The following PLPPR4 variants were observed in gnomAD, a reference collection of about 807,000 sequenced individuals.
PLPPR4 encodes the protein phospholipid phosphatase related 4, also known as phospholipid phosphatase-related protein type 4.
PLPPR4 carries 24 observed loss-of-function variants against 56.6 expected under a neutral mutation model. That is an observed-to-expected ratio of 0.42 (90% CI 0.31 to 0.60). The LOEUF (loss-of-function observed/expected upper bound fraction) is 0.60. Ranked by LOEUF, PLPPR4 falls within the 20% of genes least tolerant of loss-of-function variation. PLPPR4 has a pLI of 0.13. For missense variants in PLPPR4, 654 were observed against 885.8 expected (o/e 0.74, Z 3.32); for synonymous variants, 326 against 328.1 (o/e 0.99, Z 0.07).
chr1:99,264,276 AG>A, upstream of PLPPR4: 1 of 594,176 alleles, frequency 1.7e-6, no homozygotes, highest in Non-Finnish European at 2.9e-6. Flanking sequence ...GAGCTGAGGG[AG>A]GGTGACAGGG....
chr1:99,295,414 A>G (rs922070424), intron 2 of PLPPR4, among the ~76,000 whole-genome samples: 2 of 152,208 alleles, frequency 1.3e-5, no homozygotes, highest in African/African-American at 4.8e-5. Context: ...ATAAATGTTA[A>G]GCTAGTAATG....
chr1:99,302,408 T>C (rs1197067435), intron 6 of PLPPR4, among the ~76,000 whole-genome samples: 1 of 152,156 alleles, frequency 6.6e-6, no homozygotes, highest in Non-Finnish European at 1.5e-5. Flanking sequence ...CATTTTGTCA[T>C]GCATGCATGC....
At chr1:99,271,748 C>T (rs1659063722) in intron 1 of PLPPR4, among the ~76,000 whole-genome samples, 1 of 152,046 alleles carries the variant, frequency 6.6e-6, no homozygotes, top group South Asian at 2.1e-4. Flanking sequence ...AGAGGGAAGA[C>T]TTGGAACTTA....
At chr1:99,265,849 T>C (rs1658880159) in intron 1 of PLPPR4, among the ~76,000 whole-genome samples, 1 of 152,160 alleles carries the variant, frequency 6.6e-6, no homozygotes, top group South Asian at 2.1e-4. Context: ...AACAATATAT[T>C]TGGAAGTTTT....
intron 4 of PLPPR4, among the ~76,000 whole-genome samples, chr1:99,300,239 C>A (rs909546365): frequency 3.3e-5 from 5 of 151,814 alleles, no homozygotes; most frequent in African/African-American, 1.2e-4. Flanking sequence ...TTTTTTAATT[C>A]ATTGAAACAA....
rs1660019636 is a variant in PLPPR4, at chr1:99,306,048, T to C, written c.1186T>C (p.Ser396Pro). 1.9e-6 allele frequency: 3 copies of C among 1,613,982 alleles called. No homozygotes were observed. The highest frequency in any genetic ancestry group is 1.7e-6 in the Non-Finnish European group (2 of 1,180,018). Residue 396 changes from serine to proline, a missense_variant, in exon 7 of 7, where the codon TCA (serine) becomes CCA (proline). Transcript: ENST00000370185. The surrounding 1 kb of genome is among the most constrained non-coding windows in gnomAD (Gnocchi z 4.0). ...TCATGCCTCTATGGATTCCGCTCGA[T>C]CAAAGCAGCTCCTCACCCAGTGGAA... ...SIHASMDSARSKQLLTQWKNK... is the reference protein window; with the variant it reads ...SIHASMDSARPKQLLTQWKNK...
At chr1:99,289,440 TAG>T (rs1192149497) in intron 2 of PLPPR4, among the ~76,000 whole-genome samples, 1 of 152,092 alleles carries the variant, frequency 6.6e-6, no homozygotes, top group East Asian at 1.9e-4. Flanking sequence ...TTAATTTTCA[TAG>T]AACTTTATCA....
chr1:99,279,214 A>C (rs1659263067), intron 1 of PLPPR4, among the ~76,000 whole-genome samples: 1 of 152,194 alleles, frequency 6.6e-6, no homozygotes, highest in African/African-American at 2.4e-5. Flanking sequence ...GTAAAGGAAC[A>C]ACTGCCATCC....
chr1:99,269,084 A>G (rs558821501), intron 1 of PLPPR4, among the ~76,000 whole-genome samples: 19 of 151,766 alleles, frequency 1.3e-4, no homozygotes, highest in African/African-American at 4.1e-4. Flanking sequence ...CTAGCCCCCC[A>G]ACCCCCACAG....
chr1:99,268,552 A>AT (rs569382417), intron 1 of PLPPR4, among the ~76,000 whole-genome samples: 1 of 152,172 alleles, frequency 6.6e-6, no homozygotes, highest in Non-Finnish European at 1.5e-5. Flanking sequence ...GGATAGAATT[A>AT]TTTTTTTCTT....
chr1:99,265,151 C>G (rs937608611), intron 1 of PLPPR4, among the ~76,000 whole-genome samples: 4 of 148,216 alleles, frequency 2.7e-5, no homozygotes, highest in South Asian at 2.2e-4. Flanking sequence ...CCTGCCCCCC[C>G]CCCCCAAATC....
Position 99,306,355 on chromosome 1 carries a change from C to T in PLPPR4, c.1493C>T (p.Thr498Ile), listed in dbSNP as rs745518662. 11 of 1,614,146 alleles carry T rather than the reference C, an allele frequency of 6.8e-6. No homozygotes were observed. The East Asian group carries it at 1.6e-4, about 23-fold the overall frequency. ...IPEETQENIS[T>I]SPKSSSARAK... ...GAGGAGACTCAGGAAAACATAAGCACCTCCCCCAAAAGCAGCTCTGCTCGG... is the reference window on the plus strand; with the variant it reads ...GAGGAGACTCAGGAAAACATAAGCATCTCCCCCAAAAGCAGCTCTGCTCGG... The change falls in exon 7 of 7, where the codon ACC becomes ATC. Residue 498 changes from threonine to isoleucine, a missense_variant. By Grantham distance (89) the Thr-to-Ile change is moderately conservative. This residue lies in a region of PLPPR4 where 468 missense variants were observed against 554.3 expected (regional missense o/e 0.84). Coordinates refer to ENST00000370185, the MANE Select transcript of PLPPR4 (RefSeq NM_014839.5). The surrounding 1 kb of genome is among the most constrained non-coding windows in gnomAD (Gnocchi z 4.0).
intron 2 of PLPPR4, among the ~76,000 whole-genome samples, chr1:99,289,254 G>T (rs12027179): frequency 2.0e-5 from 3 of 151,904 alleles, no homozygotes; most frequent in Non-Finnish European, 4.4e-5. Flanking sequence ...TAATGAATTC[G>T]CCTATTCAGG....
rs1659757441 is a variant in PLPPR4, at chr1:99,296,931, A to T, written c.394+64A>T. ...TTTTTATATTGAAATGTTATATTTA[A>T]TTATAGATATTAAGTCTCGTACGCT... is the stretch of plus-strand genomic sequence containing the variant. On this transcript the variant is annotated intron_variant, in intron 3 of 6. Transcript: ENST00000370185. 5.1e-6 allele frequency: 7 copies of T among 1,368,558 alleles called. No homozygotes were observed. In the South Asian group the frequency reaches 1.2e-4, roughly 23 times the overall value. The allele number at this position is 1,368,558 out of a possible 1,614,324, so 84.8% of individuals were successfully genotyped here. A position where few individuals can be genotyped will look rare whatever the true frequency, so the allele number is the denominator to read the frequency against.
rs548264552 is a variant in PLPPR4, at chr1:99,307,770, A to G, written c.*760A>G. Reference sequence around the variant, plus strand: ...TTTTTCTTCTGCTTACTTTTTATTTAAGTATAGGTACTGCTAATGAATCTG... The same window carrying G: ...TTTTTCTTCTGCTTACTTTTTATTTGAGTATAGGTACTGCTAATGAATCTG... On this transcript the variant is annotated 3_prime_UTR_variant, in exon 7 of 7. Coordinates refer to ENST00000370185, the MANE Select transcript of PLPPR4 (RefSeq NM_014839.5). 5.9e-5 allele frequency: 9 copies of G among 152,308 alleles called. No individual in the cohort carries two copies. The highest frequency in any genetic ancestry group is 2.2e-4 in the African/African-American group (9 of 41,584). The allele number at this position is 152,308 out of a possible 1,614,324, so 9.4% of individuals were successfully genotyped here.
At chr1:99,291,304 T>C (rs2100801201) in intron 2 of PLPPR4, among the ~76,000 whole-genome samples, 1 of 152,094 alleles carries the variant, frequency 6.6e-6, no homozygotes, top group Non-Finnish European at 1.5e-5. Flanking sequence ...GGTGGTGAGG[T>C]TGTGGAGAAA....
In PLPPR4 at chr1:99,276,560, G is replaced by T. The variant is rs747101492; in HGVS notation, c.79-11405G>T. On this transcript the variant is annotated intron_variant, in intron 1 of 6. Coordinates refer to ENST00000370185, the MANE Select transcript of PLPPR4 (RefSeq NM_014839.5). ...TATGTCAATTTAAATCTCAAAATCA[G>T]AAATTTGCTTCTCTTATGCTATAAC... Among the ~76,000 whole-genome samples, 4 of 151,912 alleles carry T rather than the reference G, an allele frequency of 2.6e-5. No homozygotes were observed. The East Asian group carries it at 5.8e-4, about 22-fold the overall frequency.
At chr1:99,291,525 T>A (rs1659619975) in intron 2 of PLPPR4, among the ~76,000 whole-genome samples, 1 of 152,166 alleles carries the variant, frequency 6.6e-6, no homozygotes, top group Admixed American at 6.5e-5. Context: ...GGAATCAGCC[T>A]AAATGCCAAT....
chr1:99,308,061 T>C lies in PLPPR4; in HGVS notation c.*1051T>C, dbSNP rs955612953. On this transcript the variant is annotated 3_prime_UTR_variant, in exon 7 of 7. Transcript: ENST00000370185. ...CATTGCCAGAAATGTTGGTCAAGTT[T>C]GCCCTTAGATGTCTACAACTAGCTG... 1 of 152,220 alleles carries C rather than the reference T, an allele frequency of 6.6e-6. No homozygotes were observed. Among genetic ancestry groups the C allele is most frequent in the African/African-American group, 2.4e-5 (1 of 41,462 alleles). 9.4% of individuals were successfully genotyped at this position (152,220 alleles called of 1,614,324 possible). A position where few individuals can be genotyped will look rare whatever the true frequency, so the allele number is the denominator to read the frequency against.
Sources: gnomAD v4.1 joint callset for allele counts (sites outside exome capture counted in the v4.1 genomes callset) on GRCh38, gnomAD v4.1.1 for gene constraint, gnomAD v4.1.1 regional missense constraint, Gnocchi (gnomAD v3.1) non-coding constraint, MANE v1.5 for transcripts, NCBI Gene and HGNC (gene_info 2026-07-23, HGNC 2026-07-21) for gene names.